The following CADPS variants were observed in gnomAD, a reference collection of about 807,000 sequenced individuals.
CADPS encodes calcium dependent secretion activator.
In CADPS, 57 loss-of-function variants were observed where a neutral mutation model predicts 167.3. The ratio of observed to expected loss-of-function variants is 0.34; its 90% CI spans 0.28 to 0.42. The LOEUF (loss-of-function observed/expected upper bound fraction) is 0.42, where lower values mean the gene tolerates loss of function less well. Ranked by LOEUF, CADPS falls within the 20% of genes least tolerant of loss-of-function variation. The pLI is 1.00. For missense variants in CADPS, 1,414 were observed against 1,738.1 expected, an observed-to-expected ratio of 0.81 and a Z score of 3.32; for synonymous variants, 676 against 635.3, an observed-to-expected ratio of 1.06 and a Z score of -0.96.
At chr3:62,521,671 T>C (rs563518913) in intron 13 of CADPS, among the ~76,000 whole-genome samples, 28 of 152,178 alleles carry the variant, frequency 1.8e-4, no homozygotes, top group Non-Finnish European at 3.2e-4. Context: ...CCTAGAAGCC[T>C]GACTCTCTCA....
intron 10 of CADPS, among the ~76,000 whole-genome samples, chr3:62,553,887 C>G (rs1377992969): frequency 6.6e-6 from 1 of 152,150 alleles, no homozygotes; most frequent in Non-Finnish European, 1.5e-5. Context: ...GATGTGTGAC[C>G]TCAAATGGGC....
intron 13 of CADPS, among the ~76,000 whole-genome samples, chr3:62,530,969 G>T (rs2073527393): frequency 6.6e-6 from 1 of 152,162 alleles, no homozygotes; most frequent in Non-Finnish European, 1.5e-5. Context: ...AAGAAAAAAA[G>T]ATGCAAACTT....
chr3:62,699,060 C>T lies in CADPS; in HGVS notation c.889-36666G>A, dbSNP rs145715556. ...GGGGATTTCTGAAATTTTGGCACACCCATCACCCAAGCATTGTACACTGTA... is the reference window on the plus strand; with the variant it reads ...GGGGATTTCTGAAATTTTGGCACACTCATCACCCAAGCATTGTACACTGTA... On this transcript the variant is annotated intron_variant, in intron 3 of 29. Transcript: ENST00000383710. Among the ~76,000 whole-genome samples, 702 of 151,902 alleles carry T rather than the reference C, an allele frequency of 4.6e-3. 8 individuals are homozygous for T. Among genetic ancestry groups the T allele is most frequent in the African/African-American group, 0.015 (627 of 41,378 alleles).
chr3:62,573,130 C>T (rs2081588169), intron 8 of CADPS, among the ~76,000 whole-genome samples: 1 of 152,208 alleles, frequency 6.6e-6, no homozygotes, highest in Non-Finnish European at 1.5e-5. Flanking sequence ...GATCTGGCTG[C>T]CTCGGCCTCC....
intron 8 of CADPS, among the ~76,000 whole-genome samples, chr3:62,577,809 G>C (rs2082586452): frequency 1.3e-5 from 2 of 152,200 alleles, no homozygotes; most frequent in African/African-American, 4.8e-5. Context: ...GTAAGTGGTT[G>C]TGGCAGGAAT....
chr3:62,803,784 A>G (rs937656377), intron 1 of CADPS, among the ~76,000 whole-genome samples: 11 of 152,076 alleles, frequency 7.2e-5, no homozygotes, highest in African/African-American at 2.7e-4. Context: ...TTTTCCCAGG[A>G]TACGAGAGGA....
At position 62,433,611 on chromosome 3, in the gene CADPS, C is replaced by T. The variant is rs1304127243; in HGVS notation, c.3777+4493G>A. On this transcript the variant is annotated intron_variant, in intron 28 of 29. Transcript: ENST00000383710. This position sits in a 1 kb window ranked among gnomAD's most constrained non-coding sequence, Gnocchi z 4.7. The stretch of plus-strand genomic sequence containing the variant: ...ACACGGGGCCTGAAGAAAGCCAGTG[C>T]GGATGCGGCATTACTACCAATGTGG... 6.6e-6 allele frequency among the ~76,000 whole-genome samples: 1 copy of T among 152,134 alleles called. No individual in the cohort carries two copies. The highest frequency in any genetic ancestry group is 2.4e-5 in the African/African-American group (1 of 41,434).
chr3:62,571,253 C>T (rs1056471110), intron 8 of CADPS, among the ~76,000 whole-genome samples: 1 of 152,160 alleles, frequency 6.6e-6, no homozygotes, highest in Non-Finnish European at 1.5e-5. Flanking sequence ...TCCTGAAAGA[C>T]ATTGCACAGG....
Position 62,651,338 on chromosome 3 carries a change from G to T in CADPS, c.970-258C>A, listed in dbSNP as rs527421208. Among the ~76,000 whole-genome samples, 5 of 152,330 alleles carry T rather than the reference G, an allele frequency of 3.3e-5. No homozygotes were observed. In the South Asian group the frequency reaches 1.0e-3, roughly 32 times the overall value. On this transcript the variant is annotated intron_variant, in intron 4 of 29. Transcript: ENST00000383710. ...AGAAACATTGAAATGCTTTATTACA[G>T]TTCTATTTTTCCCCAGTTTCCTTCA... is the stretch of plus-strand genomic sequence containing the variant.
intron 13 of CADPS, among the ~76,000 whole-genome samples, chr3:62,531,940 C>T (rs545053125): frequency 7.4e-4 from 113 of 152,312 alleles, no homozygotes; most frequent in Middle Eastern, 6.8e-3. Flanking sequence ...GTACTTAGTA[C>T]AGAGTCAGGA....
chr3:62,765,507 G>T (rs1200196686), intron 2 of CADPS, among the ~76,000 whole-genome samples: 2 of 152,108 alleles, frequency 1.3e-5, no homozygotes, highest in Non-Finnish European at 2.9e-5. Context: ...CAAAGTCACA[G>T]GTTGTGATTT....
At chr3:62,437,361 T>G (rs2055329721) in intron 28 of CADPS, among the ~76,000 whole-genome samples, 3 of 118,730 alleles carry the variant, frequency 2.5e-5, no homozygotes. Flanking sequence ...TTTTTTTTTC[T>G]TTTTGCCTCA....
At chr3:62,856,150 G>C (rs1196751512) in intron 1 of CADPS, among the ~76,000 whole-genome samples, 1 of 152,086 alleles carries the variant, frequency 6.6e-6, no homozygotes, top group African/African-American at 2.4e-5. Flanking sequence ...GAAGTGCTCA[G>C]GTGTATTAGA....
intron 27 of CADPS, among the ~76,000 whole-genome samples, chr3:62,445,075 G>A (rs1042372521): frequency 6.6e-6 from 1 of 152,114 alleles, no homozygotes; most frequent in Non-Finnish European, 1.5e-5. Context: ...GTCCATAAAT[G>A]TATCCTGATT....
chr3:62,869,480 TC>T (rs1366446312), intron 1 of CADPS, among the ~76,000 whole-genome samples: 5 of 152,302 alleles, frequency 3.3e-5, no homozygotes, highest in African/African-American at 1.2e-4. Context: ...TACCTGTTTT[TC>T]CTATGCTTAC....
chr3:62,610,386 G>A (rs2061341816), intron 6 of CADPS, among the ~76,000 whole-genome samples: 1 of 152,026 alleles, frequency 6.6e-6, no homozygotes, highest in Admixed American at 6.6e-5. Flanking sequence ...CAGTAGCTGG[G>A]ATTACAGGCA....
intron 6 of CADPS, among the ~76,000 whole-genome samples, chr3:62,630,218 A>G (rs1377807617): frequency 6.6e-6 from 1 of 152,220 alleles, no homozygotes; most frequent in African/African-American, 2.4e-5. Context: ...AGGCTAAATC[A>G]GAATGCAAAG....
intron 8 of CADPS, among the ~76,000 whole-genome samples, chr3:62,574,510 G>T (rs771126208): frequency 6.6e-6 from 1 of 152,154 alleles, no homozygotes; most frequent in East Asian, 1.9e-4. Context: ...ACCTTGTGCT[G>T]CTGATGAGGC....
chr3:62,819,738 C>G (rs147975573), intron 1 of CADPS, among the ~76,000 whole-genome samples: 114 of 152,208 alleles, frequency 7.5e-4, no homozygotes, highest in African/African-American at 2.7e-3. Context: ...TCCTGGACAT[C>G]AAGTCTTGAG....
Sources: gnomAD v4.1 joint callset for allele counts (sites outside exome capture counted in the v4.1 genomes callset) on GRCh38, gnomAD v4.1.1 for gene constraint, Gnocchi (gnomAD v3.1) non-coding constraint, MANE v1.5 for transcripts, NCBI Gene and HGNC (gene_info 2026-07-23, HGNC 2026-07-21) for gene names.